OR2AT4: variants seen among roughly 807,000 people sequenced by gnomAD.
OR2AT4 encodes olfactory receptor family 2 subfamily AT member 4.
In OR2AT4, 6 loss-of-function variants were observed where a neutral mutation model predicts 10.3. The ratio of observed to expected loss-of-function variants is 0.58; its 90% CI spans 0.32 to 1.15. The LOEUF is 1.15. OR2AT4 is among the 50% of genes most tolerant of loss of function. The pLI, the probability that OR2AT4 is intolerant of heterozygous loss-of-function variation, is 0.05. For missense variants in OR2AT4, 354 were observed against 393.8 expected (o/e 0.90, Z 0.85); for synonymous variants, 145 against 159.1 (o/e 0.91, Z 0.67).
chr11:75,095,780 C>T (rs1420352855), intron 1 of OR2AT4, among the ~76,000 whole-genome samples: 1 of 150,386 alleles, frequency 6.6e-6, no homozygotes, highest in Non-Finnish European at 1.5e-5. Flanking sequence ...CGGGTTCAAG[C>T]GATTCTCATG....
At position 75,088,936 on chromosome 11, in the gene OR2AT4, T is replaced by C. The variant is rs771874608; in HGVS notation, c.778A>G (p.Ile260Val). The change falls in exon 2 of 2, where the codon ATT becomes GTT. Residue 260 changes from isoleucine to valine, a missense_variant. Ile to Val is a conservative substitution (Grantham distance 29, BLOSUM62 3). Coordinates refer to ENST00000641504, the Ensembl canonical transcript of OR2AT4. The stretch of plus-strand genomic sequence containing the variant: ...CTGTAGGCCACGTAGGCTATGGCAA[T>C]AGATGAGTAGTAGGTGCCCACGACC... The C allele has an allele frequency of 5.6e-6, 9 of 1,614,108 alleles. No individual in the cohort carries two copies. The Middle Eastern group carries it at 4.9e-4, about 89-fold the overall frequency.
At chr11:75,087,457 A>C (rs1949296302) in exon 2 of OR2AT4, 3 of 152,198 alleles carry the variant, frequency 2.0e-5, no homozygotes, top group Admixed American at 2.0e-4. Context: ...GTAGTGGTGC[A>C]TGTGCCTGTG....
At chr11:75,087,580 C>T (rs986605016) in exon 2 of OR2AT4, 12 of 152,160 alleles carry the variant, frequency 7.9e-5, no homozygotes, top group Admixed American at 4.6e-4. Flanking sequence ...AGAGCAAGGC[C>T]TCTTCTCAGA....
At chr11:75,088,031 TATC>T (rs1305554254) in exon 2 of OR2AT4, 1 of 152,232 alleles carries the variant, frequency 6.6e-6, no homozygotes, top group Non-Finnish European at 1.5e-5. Flanking sequence ...CTAGAGATGA[TATC>T]ATATCAGTAG....
At chr11:75,082,286 C>T (rs1191226094) in exon 2 of OR2AT4, 6 of 151,914 alleles carry the variant, frequency 3.9e-5, no homozygotes, top group Non-Finnish European at 8.8e-5. Flanking sequence ...AGGACTCCCT[C>T]TTCAATAAAT....
intron 1 of OR2AT4, among the ~76,000 whole-genome samples, chr11:75,094,565 T>C (rs1234091808): frequency 6.6e-6 from 1 of 151,758 alleles, no homozygotes; most frequent in African/African-American, 2.4e-5. Context: ...CTGGGCAACA[T>C]AGCAAGACCC....
exon 2 of OR2AT4, chr11:75,087,309 T>G (rs534266498): frequency 6.6e-6 from 1 of 152,294 alleles, no homozygotes; most frequent in African/African-American, 2.4e-5. Context: ...TCTTTGAAAC[T>G]CTCTGTAAAT....
At chr11:75,085,964 C>T (rs1012323361) in exon 2 of OR2AT4, 1 of 151,988 alleles carries the variant, frequency 6.6e-6, no homozygotes, top group African/African-American at 2.4e-5. Flanking sequence ...TATTCAAGAC[C>T]GTGTGGTATC....
intron 1 of OR2AT4, among the ~76,000 whole-genome samples, chr11:75,093,604 C>T (rs540372935): frequency 1.4e-4 from 21 of 152,202 alleles, no homozygotes; most frequent in African/African-American, 4.8e-4. Context: ...AGGAAGTTCA[C>T]GTTTATGTTT....
chr11:75,093,060 A>G (rs1483441592), intron 1 of OR2AT4, among the ~76,000 whole-genome samples: 3 of 152,216 alleles, frequency 2.0e-5, no homozygotes, highest in South Asian at 4.1e-4. Flanking sequence ...AGATCACGTC[A>G]TTGCACTCCA....
At chr11:75,094,277 A>G (rs12807787) in intron 1 of OR2AT4, among the ~76,000 whole-genome samples, 4,615 of 151,924 alleles carry the variant, frequency 0.03, 106 homozygotes, top group Middle Eastern at 0.058. Flanking sequence ...AGAATCTGGA[A>G]GCTCAAATTT....
At chr11:75,096,384 A>G (rs1949348897) in intron 1 of OR2AT4, among the ~76,000 whole-genome samples, 1 of 152,152 alleles carries the variant, frequency 6.6e-6, no homozygotes. Context: ...CAGTTCTCTC[A>G]TGATATTCTC....
Position 75,095,898 on chromosome 11 carries a change from G to C in OR2AT4, c.-652+930C>G, listed in dbSNP as rs375157234. Among the ~76,000 whole-genome samples the C allele has an allele frequency of 2.0e-5, 3 of 152,168 alleles. No individual in the cohort carries two copies. In the East Asian group the frequency reaches 5.8e-4, roughly 29 times the overall value. ...TCACCATGTTGGCCAGGCTGGTCTT[G>C]AAGTCCTGATCTCAAGTGATCTGCC... On this transcript the variant is annotated intron_variant, in intron 1 of 1. Coordinates refer to ENST00000641504, the Ensembl canonical transcript of OR2AT4.
chr11:75,085,720 T>A (rs1949287504), exon 2 of OR2AT4: 1 of 151,946 alleles, frequency 6.6e-6, no homozygotes, highest in Non-Finnish European at 1.5e-5. Context: ...GCTAAGTAAA[T>A]GGAGAGATAT....
intron 1 of OR2AT4, among the ~76,000 whole-genome samples, chr11:75,095,677 CTTTT>C (rs11314522): frequency 2.3e-5 from 3 of 127,838 alleles, no homozygotes; most frequent in African/African-American, 5.9e-5. Context: ...CACCTAACCT[CTTTT>C]TTTTTTTTTT....
intron 1 of OR2AT4, among the ~76,000 whole-genome samples, chr11:75,094,561 A>C (rs753443043): frequency 1.3e-4 from 20 of 152,280 alleles, no homozygotes; most frequent in Non-Finnish European, 4.4e-5. Context: ...CAGCCTGGGC[A>C]ACATAGCAAG....
chr11:75,093,617 A>T (rs114432738), intron 1 of OR2AT4, among the ~76,000 whole-genome samples: 1 of 152,140 alleles, frequency 6.6e-6, no homozygotes, highest in Non-Finnish European at 1.5e-5. Flanking sequence ...TTATGTTTAC[A>T]TCATTGTCTC....
chr11:75,082,964 A>G (rs12288006), exon 2 of OR2AT4: 43,442 of 151,546 alleles, frequency 0.29, 9,122 homozygotes, highest in African/African-American at 0.59. Context: ...CTGTAGCTCC[A>G]GCTACTCGGG....
chr11:75,088,827 G>A lies in OR2AT4; in HGVS notation c.887C>T (p.Thr296Met), dbSNP rs141062926. 7.0e-4 allele frequency: 1,126 copies of A among 1,610,164 alleles called. 3 individuals are homozygous for A. The highest frequency in any genetic ancestry group is 1.2e-3 in the South Asian group (108 of 90,370). Residue 296 changes from threonine to methionine, a missense_variant, in exon 2 of 2, where the codon ACG (threonine) becomes ATG (methionine). Transcript: ENST00000641504. The stretch of plus-strand genomic sequence containing the variant: ...TGCCTTTACATCCCTGTTTCTCAGC[G>A]TGTAAATGAGGGGGTTGAGAATTGG...
Sources: allele counts gnomAD v4.1 joint callset (sites outside exome capture counted in the v4.1 genomes callset), GRCh38; gene constraint gnomAD v4.1.1; transcripts MANE v1.5; gene names NCBI Gene and HGNC (gene_info 2026-07-23, HGNC 2026-07-21).